MSI2: variants seen among roughly 807,000 people sequenced by gnomAD.
MSI2 encodes the protein RNA-binding protein Musashi homolog 2.
Under a neutral mutation model 45.6 loss-of-function variants are expected in MSI2, and 17 were observed. That is an observed-to-expected ratio of 0.37 (90% confidence interval 0.26 to 0.56). MSI2 has a LOEUF of 0.56. Among genes scored for constraint, MSI2 ranks in the 20% least tolerant of loss-of-function variants. The pLI is 0.77. For missense variants in MSI2, 293 were observed against 444.2 expected (o/e 0.66, Z 3.06); for synonymous variants, 156 against 158.2 (o/e 0.99, Z 0.11).
chr17:57,686,050 G>A (rs1006681875), downstream of MSI2, among the ~76,000 whole-genome samples: 4 of 152,156 alleles, frequency 2.6e-5, no homozygotes, highest in Non-Finnish European at 5.9e-5. Context: ...ACATTGTAAT[G>A]GTCAAATAAG....
intron 7 of MSI2, among the ~76,000 whole-genome samples, chr17:57,572,364 A>G (rs1369946846): frequency 1.3e-5 from 2 of 152,200 alleles, no homozygotes; most frequent in African/African-American, 4.8e-5. Context: ...CTTGCCATAG[A>G]AGCCTCTGGG....
chr17:57,478,315 G>T (rs1489718535), intron 6 of MSI2, among the ~76,000 whole-genome samples: 1 of 152,216 alleles, frequency 6.6e-6, no homozygotes, highest in Non-Finnish European at 1.5e-5. Context: ...CAAGAATCCT[G>T]GGTGCCCTGC....
At chr17:57,550,145 C>A (rs960910323) in intron 7 of MSI2, among the ~76,000 whole-genome samples, 2 of 152,094 alleles carry the variant, frequency 1.3e-5, no homozygotes, top group Non-Finnish European at 2.9e-5. Flanking sequence ...GAATAGCTGC[C>A]GAAGACAAAC....
At chr17:57,464,263 C>A (rs201373701) in intron 6 of MSI2, among the ~76,000 whole-genome samples, 1 of 151,824 alleles carries the variant, frequency 6.6e-6, no homozygotes, top group East Asian at 1.9e-4. Flanking sequence ...AGCAACATGG[C>A]AAAACCCTAT....
At position 57,627,720 on chromosome 17, in the gene MSI2, T is replaced by G; in HGVS notation, c.727+417T>G. On this transcript the variant is annotated intron_variant, in intron 10 of 13. Transcript: ENST00000284073. The surrounding 1 kb of genome is among the most constrained non-coding windows in gnomAD (Gnocchi z 4.6). Reference sequence around the variant, plus strand: ...CCCAATGTTTGATGTCTCCCCGCCCTTGCTTCCTTTCCTCCACCCCTCCTC... The same window carrying G: ...CCCAATGTTTGATGTCTCCCCGCCCGTGCTTCCTTTCCTCCACCCCTCCTC... 1 of 221,810 alleles carries G rather than the reference T, an allele frequency of 4.5e-6. No individual in the cohort carries two copies. 13.7% of individuals were successfully genotyped at this position (221,810 alleles called of 1,614,324 possible).
chr17:57,541,086 C>G lies in MSI2; in HGVS notation c.454+11362C>G, dbSNP rs113100704. 1.4e-3 allele frequency among the ~76,000 whole-genome samples: 209 copies of G among 152,096 alleles called. 1 individual carries two copies. Among genetic ancestry groups the G allele is most frequent in the African/African-American group, 4.4e-3 (183 of 41,488 alleles). On this transcript the variant is annotated intron_variant, in intron 7 of 13. Transcript: ENST00000284073. ...CCCCGAAGCCTGACTTGGTTCACAC[C>G]TTGCCCAAGTCTAATTTGCCAAAGA...
intron 9 of MSI2, among the ~76,000 whole-genome samples, chr17:57,622,658 A>C (rs1420543417): frequency 6.6e-6 from 1 of 152,114 alleles, no homozygotes; most frequent in Non-Finnish European, 1.5e-5. Context: ...GTGAGCAAAA[A>C]AAAAAAGTAT....
intron 8 of MSI2, among the ~76,000 whole-genome samples, chr17:57,613,026 C>A (rs1279439315): frequency 2.0e-5 from 3 of 152,146 alleles, no homozygotes; most frequent in South Asian, 4.1e-4. Context: ...AGGAGAGAAA[C>A]CTAAAAGAGC....
At chr17:57,522,496 G>A (rs546708281) in intron 6 of MSI2, 3 of 152,132 alleles carry the variant, frequency 2.0e-5, no homozygotes, top group Non-Finnish European at 4.4e-5. Flanking sequence ...ATTTCTCAGG[G>A]CATGCATCGG....
At chr17:57,594,819 T>C (rs1477089449) in intron 7 of MSI2, among the ~76,000 whole-genome samples, 4 of 152,182 alleles carry the variant, frequency 2.6e-5, no homozygotes, top group Admixed American at 6.5e-5. Flanking sequence ...CTCGGCATCT[T>C]TGAGCCCCTC....
intron 6 of MSI2, among the ~76,000 whole-genome samples, chr17:57,465,199 G>C (rs2085307206): frequency 6.6e-6 from 1 of 152,152 alleles, no homozygotes; most frequent in African/African-American, 2.4e-5. Flanking sequence ...CGGTGGCTCA[G>C]GCCTATAATC....
intron 5 of MSI2, among the ~76,000 whole-genome samples, chr17:57,377,988 C>T (rs141407427): frequency 0.041 from 6,206 of 150,690 alleles, 418 homozygotes; most frequent in African/African-American, 0.14. Flanking sequence ...GGCAGGAGAA[C>T]GGCGTGAACC....
At chr17:57,335,721 AC>A (rs1460956637) in intron 5 of MSI2, among the ~76,000 whole-genome samples, 6 of 152,188 alleles carry the variant, frequency 3.9e-5, no homozygotes, top group Non-Finnish European at 8.8e-5. Flanking sequence ...GGAGACTGAA[AC>A]GGGGTGAAAC....
At chr17:57,467,675 G>T (rs1229760250) in intron 6 of MSI2, among the ~76,000 whole-genome samples, 1 of 152,032 alleles carries the variant, frequency 6.6e-6, no homozygotes, top group Non-Finnish European at 1.5e-5. Flanking sequence ...CATTCCCTGG[G>T]CCTGCCCCTA....
intron 5 of MSI2, among the ~76,000 whole-genome samples, chr17:57,388,958 CTCT>C (rs1000827740): frequency 0.013 from 1,833 of 140,672 alleles, 54 homozygotes; most frequent in African/African-American, 0.031. Context: ...CTAGCCCCTG[CTCT>C]TCTTCTTCTT....
In MSI2 at chr17:57,596,122, G is replaced by A. The variant is rs1023026801; in HGVS notation, c.455-746G>A. On this transcript the variant is annotated intron_variant, in intron 7 of 13. Transcript: ENST00000284073. This position sits in a 1 kb window ranked among gnomAD's most constrained non-coding sequence, Gnocchi z 4.6. ...ACATGCTGGAAACGCTGTCGGAGGC[G>A]GGAGGAGAAGAAAGAAAGGGGCAGG... is the stretch of plus-strand genomic sequence containing the variant. Among the ~76,000 whole-genome samples, 17 of 152,320 alleles carry A rather than the reference G, an allele frequency of 1.1e-4. No homozygotes were observed. Among genetic ancestry groups the A allele is most frequent in the East Asian group, 3.9e-4 (2 of 5,186 alleles).
At chr17:57,526,407 G>C (rs2086702029) in intron 6 of MSI2, among the ~76,000 whole-genome samples, 1 of 146,038 alleles carries the variant, frequency 6.8e-6, no homozygotes, top group African/African-American at 2.5e-5. Context: ...GTGTGTGTGT[G>C]TGACAGAGAG....
Position 57,407,344 on chromosome 17 carries a change from T to G in MSI2, c.405+5873T>G, listed in dbSNP as rs138377142. On this transcript the variant is annotated intron_variant, in intron 6 of 13. Coordinates refer to ENST00000284073, the MANE Select transcript of MSI2 (RefSeq NM_138962.4). The surrounding 1 kb of genome is among the most constrained non-coding windows in gnomAD (Gnocchi z 4.1). ...CAGACACCCCTTTTGATACTGTATG[T>G]GTGAGGAGAGTCATACCTGGAATAA... 4.7e-3 allele frequency among the ~76,000 whole-genome samples: 712 copies of G among 152,098 alleles called. 3 individuals are homozygous for G. The highest frequency in any genetic ancestry group is 0.017 in the African/African-American group (692 of 41,468).
chr17:57,647,274 C>CAAAAAA (rs33915774), intron 10 of MSI2, among the ~76,000 whole-genome samples: 1 of 37,680 alleles, frequency 2.7e-5, no homozygotes, highest in Non-Finnish European at 5.3e-5. Flanking sequence ...ACTAAAAATA[C>CAAAAAA]AAAAAAAAAA....
Sources: gnomAD v4.1 joint callset for allele counts (sites outside exome capture counted in the v4.1 genomes callset) on GRCh38, gnomAD v4.1.1 for gene constraint, Gnocchi (gnomAD v3.1) non-coding constraint, MANE v1.5 for transcripts, NCBI Gene and HGNC (gene_info 2026-07-23, HGNC 2026-07-21) for gene names.